CDKAL1: variants seen among roughly 807,000 people sequenced by gnomAD.
CDKAL1 encodes the protein threonylcarbamoyladenosine tRNA methylthiotransferase.
Under a neutral mutation model 68.2 loss-of-function variants are expected in CDKAL1, and 32 were observed. The observed-to-expected ratio is 0.47, with a 90% CI of 0.35 to 0.63. The LOEUF is 0.63. Among genes scored for constraint, CDKAL1 ranks in the 30% least tolerant of loss-of-function variants. The pLI is 0.00. For missense variants in CDKAL1, 606 were observed against 696.7 expected (o/e 0.87, Z 1.47); for synonymous variants, 234 against 244.3 (o/e 0.96, Z 0.39).
At chr6:21,159,119 A>G (rs190856061) in intron 13 of CDKAL1, among the ~76,000 whole-genome samples, 2,280 of 115,824 alleles carry the variant, frequency 0.02, 37 homozygotes, top group African/African-American at 0.059. Context: ...TTTTTTTTTA[A>G]TTTTTTTAAT....
In CDKAL1 at chr6:20,556,072, A is replaced by C. The variant is rs750245464; in HGVS notation, c.286+7367A>C. Among the ~76,000 whole-genome samples, 7 of 152,044 alleles carry C rather than the reference A, an allele frequency of 4.6e-5. No homozygotes were observed. In the East Asian group the frequency reaches 9.7e-4, roughly 21 times the overall value. ...AGTGCTGAGTTGGGATTTGAAAGTA[A>C]GCTGTTTCTTGGCCGGGTGCGATCG... On this transcript the variant is annotated intron_variant, in intron 4 of 15. Transcript: ENST00000274695.
intron 9 of CDKAL1, among the ~76,000 whole-genome samples, chr6:20,855,865 C>G (rs1051790684): frequency 6.6e-6 from 1 of 151,934 alleles, no homozygotes; most frequent in African/African-American, 2.4e-5. Context: ...ATGTGGAGAC[C>G]ACTGATTTAA....
At position 21,029,781 on chromosome 6, in the gene CDKAL1, G is replaced by A. The variant is rs1449273778; in HGVS notation, c.1055+29409G>A. ...TGCAAATCAAAACCACAGTGACATAGCATCTCACATCAGTCAAAAATGGCA... is the reference window on the plus strand; with the variant it reads ...TGCAAATCAAAACCACAGTGACATAACATCTCACATCAGTCAAAAATGGCA... On this transcript the variant is annotated intron_variant, in intron 11 of 15. Transcript: ENST00000274695. Among the ~76,000 whole-genome samples, 4 of 152,034 alleles carry A rather than the reference G, an allele frequency of 2.6e-5. No individual in the cohort carries two copies. The East Asian group carries it at 7.7e-4, about 29-fold the overall frequency.
At chr6:20,914,182 C>T (rs1249377002) in intron 9 of CDKAL1, among the ~76,000 whole-genome samples, 4 of 151,756 alleles carry the variant, frequency 2.6e-5, no homozygotes, top group South Asian at 4.2e-4. Context: ...CCCAGCTACT[C>T]GGGAGGCTGA....
intron 7 of CDKAL1, among the ~76,000 whole-genome samples, chr6:20,763,411 T>C (rs1774555076): frequency 6.6e-6 from 1 of 152,208 alleles, no homozygotes; most frequent in South Asian, 2.1e-4. Context: ...GCCCAGATTT[T>C]AGTAAATCGT....
chr6:21,119,797 C>T (rs7741436), intron 13 of CDKAL1, among the ~76,000 whole-genome samples: 79,695 of 151,930 alleles, frequency 0.52, 21,669 homozygotes, highest in East Asian at 0.68. Flanking sequence ...TACCTGTTTC[C>T]CTTCTATTGG....
intron 12 of CDKAL1, among the ~76,000 whole-genome samples, chr6:21,093,882 C>A (rs1425011881): frequency 6.9e-6 from 1 of 145,370 alleles, no homozygotes; most frequent in Non-Finnish European, 1.5e-5. Context: ...GTAGGTGCAC[C>A]ACCACACCTG....
At position 21,161,050 on chromosome 6, in the gene CDKAL1, G is replaced by T. The variant is rs1246021127; in HGVS notation, c.1300-36971G>T. Among the ~76,000 whole-genome samples, 4 of 152,088 alleles carry T rather than the reference G, an allele frequency of 2.6e-5. No homozygotes were observed. In the South Asian group the frequency reaches 6.2e-4, roughly 24 times the overall value. On this transcript the variant is annotated intron_variant, in intron 13 of 15. Transcript: ENST00000274695. ...GAAGCCCCTTTTGTTGGCTGGGGGGGTGCAGTGAAGGTAGTGTCAAGGAAC... is the reference window on the plus strand; with the variant it reads ...GAAGCCCCTTTTGTTGGCTGGGGGGTTGCAGTGAAGGTAGTGTCAAGGAAC...
intron 12 of CDKAL1, among the ~76,000 whole-genome samples, chr6:21,084,287 T>C (rs1772577859): frequency 6.6e-6 from 1 of 152,202 alleles, no homozygotes; most frequent in East Asian, 1.9e-4. Flanking sequence ...AAATAAAATA[T>C]TTTGAATTGG....
At chr6:21,020,774 CTTT>C (rs60084439) in intron 11 of CDKAL1, among the ~76,000 whole-genome samples, 9 of 132,816 alleles carry the variant, frequency 6.8e-5, no homozygotes, top group African/African-American at 2.0e-4. Flanking sequence ...GCCTTTTTTC[CTTT>C]TTTTTTTTTT....
At chr6:20,915,411 CATT>C (rs1762679203) in intron 9 of CDKAL1, among the ~76,000 whole-genome samples, 2 of 152,174 alleles carry the variant, frequency 1.3e-5, no homozygotes, top group African/African-American at 4.8e-5. Context: ...CACCAGGAGT[CATT>C]GTTGCAGTCT....
chr6:21,218,419 A>C (rs1779416595), intron 15 of CDKAL1, among the ~76,000 whole-genome samples: 1 of 152,252 alleles, frequency 6.6e-6, no homozygotes, highest in African/African-American at 2.4e-5. Context: ...ATTACCTCAC[A>C]GTTTCTGTGG....
chr6:20,920,748 G>A (rs9465934), intron 9 of CDKAL1, among the ~76,000 whole-genome samples: 37,543 of 151,968 alleles, frequency 0.25, 4,904 homozygotes, highest in Middle Eastern at 0.35. Context: ...AAATTCTTCC[G>A]GGAGCTGTGA....
intron 12 of CDKAL1, among the ~76,000 whole-genome samples, chr6:21,106,320 T>G (rs1773841098): frequency 6.6e-6 from 1 of 152,244 alleles, no homozygotes; most frequent in Non-Finnish European, 1.5e-5. Context: ...AACTGTGTAG[T>G]GGAAAAAGTA....
chr6:20,876,504 T>G (rs1052559994), intron 9 of CDKAL1, among the ~76,000 whole-genome samples: 2 of 152,224 alleles, frequency 1.3e-5, no homozygotes, highest in African/African-American at 4.8e-5. Context: ...ACAGCATTTG[T>G]GCATTGATGG....
intron 11 of CDKAL1, among the ~76,000 whole-genome samples, chr6:21,025,320 C>T (rs1189855717): frequency 6.6e-6 from 1 of 152,090 alleles, no homozygotes; most frequent in African/African-American, 2.4e-5. Context: ...ATTAAACATA[C>T]CCCTCTCTAT....
intron 11 of CDKAL1, among the ~76,000 whole-genome samples, chr6:21,037,055 CT>C (rs1210726897): frequency 6.6e-6 from 1 of 151,966 alleles, no homozygotes; most frequent in African/African-American, 2.4e-5. Flanking sequence ...TTTTTTTGGA[CT>C]TTTTTTGTTT....
intron 6 of CDKAL1, among the ~76,000 whole-genome samples, chr6:20,745,751 A>T (rs1354178577): frequency 6.6e-6 from 1 of 152,180 alleles, no homozygotes; most frequent in Non-Finnish European, 1.5e-5. Flanking sequence ...AAAATCTAAT[A>T]ATGTTTTAAG....
chr6:21,011,387 A>C (rs1460449513), intron 11 of CDKAL1, among the ~76,000 whole-genome samples: 1 of 152,212 alleles, frequency 6.6e-6, no homozygotes, highest in Non-Finnish European at 1.5e-5. Flanking sequence ...CTGTCTCAAA[A>C]AAAAAAGAAA....
Sources: gnomAD v4.1 joint callset for allele counts (sites outside exome capture counted in the v4.1 genomes callset) on GRCh38, gnomAD v4.1.1 for gene constraint, MANE v1.5 for transcripts, NCBI Gene and HGNC (gene_info 2026-07-23, HGNC 2026-07-21) for gene names.